SPAG16: variants seen among roughly 807,000 people sequenced by gnomAD.
SPAG16 encodes the protein sperm-associated antigen 16 protein.
In SPAG16, 86 loss-of-function variants were observed where a neutral mutation model predicts 80.4. The ratio of observed to expected loss-of-function variants is 1.07; its 90% CI spans 0.90 to 1.28. SPAG16 has a LOEUF of 1.28. SPAG16 is among the 50% of genes most tolerant of loss of function. The probability of loss-of-function intolerance (pLI) is 0.00; values close to 1 mark genes in which losing one functional copy is unlikely to be tolerated. For synonymous variants in SPAG16, 294 were observed against 265.9 expected (o/e 1.11, Z -1.03); for missense variants, 870 against 765.3 (o/e 1.14, Z -1.61).
intron 1 of SPAG16, 61 bp downstream of exon 1, chr2:213,284,680 G>A: frequency 6.5e-7 from 1 of 1,538,764 alleles, no homozygotes; most frequent in Non-Finnish European, 8.7e-7. Context: ...TGGGACGAAG[G>A]CGAGGGCCTC....
intron 10 of SPAG16, among the ~76,000 whole-genome samples, chr2:213,752,667 CT>C (rs2068131429): frequency 6.6e-6 from 1 of 152,134 alleles, no homozygotes; most frequent in South Asian, 2.1e-4. Flanking sequence ...TGCCTTCTTA[CT>C]CTTTTTCTCT....
chr2:214,332,425 A>G (rs1421727810), intron 15 of SPAG16, among the ~76,000 whole-genome samples: 1 of 152,212 alleles, frequency 6.6e-6, no homozygotes, highest in Non-Finnish European at 1.5e-5. Context: ...CTGATGGAAG[A>G]TACTGGCTGT....
chr2:213,324,460 T>A (rs576182791), intron 5 of SPAG16, among the ~76,000 whole-genome samples: 2 of 152,246 alleles, frequency 1.3e-5, no homozygotes, highest in South Asian at 4.1e-4. Flanking sequence ...CTTTTAAGAA[T>A]TTTTTCACTT....
At chr2:213,511,919 A>G (rs933743697) in intron 10 of SPAG16, among the ~76,000 whole-genome samples, 2 of 152,062 alleles carry the variant, frequency 1.3e-5, no homozygotes, top group African/African-American at 2.4e-5. Flanking sequence ...TGCACTCACA[A>G]TACTTTAGTT....
intron 9 of SPAG16, among the ~76,000 whole-genome samples, chr2:213,395,732 C>G (rs1212585119): frequency 6.6e-6 from 1 of 152,158 alleles, no homozygotes; most frequent in Non-Finnish European, 1.5e-5. Flanking sequence ...TAGATTGTCT[C>G]TTGCATCATT....
intron 15 of SPAG16, among the ~76,000 whole-genome samples, chr2:214,203,774 C>A (rs1472130927): frequency 6.6e-6 from 1 of 152,136 alleles, no homozygotes; most frequent in Non-Finnish European, 1.5e-5. Flanking sequence ...AGGAAATTTC[C>A]AGCTGAACTT....
In SPAG16 at chr2:213,789,697, G is replaced by A. The variant is rs112958441; in HGVS notation, c.1071-72788G>A. On this transcript the variant is annotated intron_variant, in intron 10 of 15. Transcript: ENST00000331683. ...CAAAGGAACCCTCCCTGGTTTTCTT[G>A]TATCTCCATTATACTTTGTCCGTAA... Among the ~76,000 whole-genome samples, 39 of 151,942 alleles carry A rather than the reference G, an allele frequency of 2.6e-4. 1 individual carries two copies. The highest frequency in any genetic ancestry group is 7.5e-4 in the African/African-American group (31 of 41,526).
intron 12 of SPAG16, among the ~76,000 whole-genome samples, chr2:214,004,064 G>A (rs115058585): frequency 7.9e-4 from 121 of 152,306 alleles, no homozygotes; most frequent in Admixed American, 3.7e-3. Context: ...TGCACATCAG[G>A]TGACTCAAAT....
intron 15 of SPAG16, among the ~76,000 whole-genome samples, chr2:214,291,427 T>C (rs1487659912): frequency 7.1e-6 from 1 of 141,642 alleles, no homozygotes; most frequent in Non-Finnish European, 1.5e-5. Context: ...TGCCTCAGCC[T>C]CCCAAGTAGC....
intron 14 of SPAG16, among the ~76,000 whole-genome samples, chr2:214,112,354 C>T (rs2053708701): frequency 6.6e-6 from 1 of 152,024 alleles, no homozygotes; most frequent in Non-Finnish European, 1.5e-5. Context: ...GAGTTCAAGT[C>T]CTGGATATCC....
intron 10 of SPAG16, among the ~76,000 whole-genome samples, chr2:213,598,952 C>T (rs565333229): frequency 9.2e-5 from 14 of 152,190 alleles, no homozygotes; most frequent in African/African-American, 2.9e-4. Context: ...AGAAAGTTGA[C>T]CTTTAAAAAG....
At chr2:214,042,791 T>C (rs1330427054) in intron 13 of SPAG16, among the ~76,000 whole-genome samples, 1 of 152,164 alleles carries the variant, frequency 6.6e-6, no homozygotes, top group Admixed American at 6.6e-5. Context: ...CCTGCAAATT[T>C]ATCTACCCAA....
chr2:214,200,176 G>A (rs1387516173), intron 15 of SPAG16, among the ~76,000 whole-genome samples: 2 of 152,076 alleles, frequency 1.3e-5, no homozygotes, highest in African/African-American at 2.4e-5. Context: ...GTTCTTGGGG[G>A]AAATGTTTTT....
chr2:214,043,428 C>T (rs1449796373), intron 13 of SPAG16, among the ~76,000 whole-genome samples: 1 of 152,052 alleles, frequency 6.6e-6, no homozygotes, highest in Non-Finnish European at 1.5e-5. Flanking sequence ...ACATTTTTCC[C>T]CAGGAGCACT....
chr2:213,691,223 G>T (rs2064932141), intron 10 of SPAG16, among the ~76,000 whole-genome samples: 1 of 152,138 alleles, frequency 6.6e-6, no homozygotes, highest in Non-Finnish European at 1.5e-5. Context: ...AATAAACCTT[G>T]TGTAACCCTT....
intron 11 of SPAG16, among the ~76,000 whole-genome samples, chr2:213,922,383 T>C (rs2078265359): frequency 6.6e-6 from 1 of 152,316 alleles, no homozygotes; most frequent in East Asian, 1.9e-4. Flanking sequence ...TAGATGAGTT[T>C]GGTTCCTTTT....
At chr2:213,623,184 T>G (rs1251601109) in intron 10 of SPAG16, among the ~76,000 whole-genome samples, 1 of 152,220 alleles carries the variant, frequency 6.6e-6, no homozygotes, top group East Asian at 1.9e-4. Context: ...TATGAATTGA[T>G]TGCTCATGTA....
intron 11 of SPAG16, among the ~76,000 whole-genome samples, chr2:213,906,876 G>T (rs2077455418): frequency 6.6e-6 from 1 of 152,078 alleles, no homozygotes; most frequent in Non-Finnish European, 1.5e-5. Flanking sequence ...TGGATTAAAG[G>T]CTTAAATATA....
At position 213,355,723 on chromosome 2, in the gene SPAG16, A is replaced by C. The variant is rs538382912; in HGVS notation, c.762+5078A>C. 4.6e-5 allele frequency among the ~76,000 whole-genome samples: 7 copies of C among 152,242 alleles called. No individual in the cohort carries two copies. The East Asian group carries it at 1.4e-3, about 29-fold the overall frequency. ...TGTTGCACATTGATTTTGTATCCTGAGATTTTGCTGAAGTTGCTTATCAGC... is the reference window on the plus strand; with the variant it reads ...TGTTGCACATTGATTTTGTATCCTGCGATTTTGCTGAAGTTGCTTATCAGC... On this transcript the variant is annotated intron_variant, in intron 7 of 15. Coordinates refer to ENST00000331683, the MANE Select transcript of SPAG16 (RefSeq NM_024532.5).
Sources: gnomAD v4.1 joint callset for allele counts (sites outside exome capture counted in the v4.1 genomes callset) on GRCh38, gnomAD v4.1.1 for gene constraint, MANE v1.5 for transcripts, NCBI Gene and HGNC (gene_info 2026-07-23, HGNC 2026-07-21) for gene names.